The following TMEM117 variants were observed in gnomAD, a reference collection of about 807,000 sequenced individuals.
TMEM117 encodes the protein transmembrane protein 117.
A neutral mutation model predicts 52.4 loss-of-function variants in TMEM117; 27 were observed. The ratio of observed to expected loss-of-function variants is 0.51; its 90% confidence interval spans 0.38 to 0.71. The LOEUF is 0.71. TMEM117 is among the 30% of genes least tolerant of loss of function. The pLI is 0.00. For synonymous variants in TMEM117, 215 were observed against 206.3 expected, an observed-to-expected ratio of 1.04 and a Z score of -0.36; for missense variants, 556 against 630.5, an observed-to-expected ratio of 0.88 and a Z score of 1.26.
chr12:44,169,885 G>A (rs1315234915), intron 4 of TMEM117, among the ~76,000 whole-genome samples: 2 of 152,114 alleles, frequency 1.3e-5, no homozygotes, highest in African/African-American at 2.4e-5. Flanking sequence ...AGACAGCGTG[G>A]CCATTCCTCA....
intron 3 of TMEM117, among the ~76,000 whole-genome samples, chr12:44,032,777 G>A (rs894081045): frequency 6.6e-6 from 1 of 152,078 alleles, no homozygotes; most frequent in Non-Finnish European, 1.5e-5. Context: ...TCTCTACCTT[G>A]AATACAAGAG....
intron 4 of TMEM117, among the ~76,000 whole-genome samples, chr12:44,144,573 A>G (rs987442247): frequency 6.6e-6 from 1 of 152,164 alleles, no homozygotes; most frequent in Middle Eastern, 3.2e-3. Flanking sequence ...ATTTCTATTG[A>G]TTGCTTCTTA....
At chr12:44,330,460 A>G (rs762818631) in intron 6 of TMEM117, among the ~76,000 whole-genome samples, 32 of 151,972 alleles carry the variant, frequency 2.1e-4, no homozygotes, top group Admixed American at 3.9e-4. Context: ...TTTTAATAAC[A>G]TCTTTATTTA....
intron 3 of TMEM117, among the ~76,000 whole-genome samples, chr12:43,976,557 A>G (rs1416669964): frequency 1.3e-5 from 2 of 152,226 alleles, no homozygotes; most frequent in Non-Finnish European, 1.5e-5. Context: ...AGACAGGAGT[A>G]AACAAATTTA....
At chr12:44,201,581 A>G (rs939196263) in intron 4 of TMEM117, among the ~76,000 whole-genome samples, 4 of 152,314 alleles carry the variant, frequency 2.6e-5, no homozygotes, top group Admixed American at 1.3e-4. Context: ...AGTATACTTT[A>G]TAAAACTAAT....
At chr12:44,006,885 C>G (rs1006034052) in intron 3 of TMEM117, among the ~76,000 whole-genome samples, 1 of 152,144 alleles carries the variant, frequency 6.6e-6, no homozygotes, top group Non-Finnish European at 1.5e-5. Context: ...TGACAGACTT[C>G]TATCATTAGA....
At chr12:43,999,762 G>A (rs1420074386) in intron 3 of TMEM117, among the ~76,000 whole-genome samples, 1 of 152,128 alleles carries the variant, frequency 6.6e-6, no homozygotes, top group Non-Finnish European at 1.5e-5. Context: ...AAAGTGCTGG[G>A]ATTACAGATG....
At chr12:44,328,329 G>A (rs1951222859) in intron 6 of TMEM117, among the ~76,000 whole-genome samples, 1 of 151,676 alleles carries the variant, frequency 6.6e-6, no homozygotes, top group African/African-American at 2.4e-5. Context: ...AATGTGCGCT[G>A]ACTCAAATTG....
the TMEM117 span, chr12:43,797,163 T>C: frequency 2.9e-5 from 43 of 1,499,870 alleles, no homozygotes; most frequent in South Asian, 3.9e-4. Flanking sequence ...AAACTACATA[T>C]ATAAACTTCA....
chr12:44,170,916 G>A (rs1278267714), intron 4 of TMEM117, among the ~76,000 whole-genome samples: 1 of 151,852 alleles, frequency 6.6e-6, no homozygotes, highest in African/African-American at 2.4e-5. Flanking sequence ...CAAAACTAGA[G>A]ATCTTATTCA....
intron 3 of TMEM117, among the ~76,000 whole-genome samples, chr12:43,986,736 T>C (rs1592416984): frequency 2.0e-5 from 3 of 152,166 alleles, no homozygotes; most frequent in African/African-American, 7.2e-5. Flanking sequence ...TCTCATCCTA[T>C]TCTCAGTTTC....
chr12:44,000,890 T>C (rs1205734208), intron 3 of TMEM117, among the ~76,000 whole-genome samples: 2 of 152,092 alleles, frequency 1.3e-5, no homozygotes, highest in African/African-American at 4.8e-5. Flanking sequence ...TTTGCAGAGA[T>C]GATTCCTGGG....
chr12:43,830,180 G>A, the TMEM117 span, among the ~76,000 whole-genome samples: 1 of 151,784 alleles, frequency 6.6e-6, no homozygotes, highest in East Asian at 1.9e-4. Flanking sequence ...AGAAACTGCT[G>A]CATTTATATA....
chr12:44,342,378 C>T (rs1390344091), intron 6 of TMEM117, among the ~76,000 whole-genome samples: 1 of 152,150 alleles, frequency 6.6e-6, no homozygotes, highest in Non-Finnish European at 1.5e-5. Context: ...CAAAAGTAGA[C>T]ATGACCTTGG....
chr12:43,955,139 A>C (rs933618256), intron 3 of TMEM117, among the ~76,000 whole-genome samples: 1 of 152,210 alleles, frequency 6.6e-6, no homozygotes, highest in African/African-American at 2.4e-5. Flanking sequence ...GCCTCAAAAT[A>C]ATAGGAGCCA....
intron 3 of TMEM117, among the ~76,000 whole-genome samples, chr12:44,022,056 A>G (rs1277209778): frequency 1.3e-5 from 2 of 152,238 alleles, no homozygotes; most frequent in African/African-American, 4.8e-5. Flanking sequence ...AAATAAATCT[A>G]CATGAAGGAT....
chr12:44,321,204 A>G (rs905462110), intron 6 of TMEM117, among the ~76,000 whole-genome samples: 1 of 152,234 alleles, frequency 6.6e-6, no homozygotes, highest in African/African-American at 2.4e-5. Flanking sequence ...AGGAGTGTTT[A>G]TGATGTAATT....
intron 4 of TMEM117, among the ~76,000 whole-genome samples, chr12:44,169,723 G>C (rs1333669187): frequency 6.6e-6 from 1 of 151,918 alleles, no homozygotes; most frequent in African/African-American, 2.4e-5. Flanking sequence ...TTGTTTTATT[G>C]CATGTACTTT....
chr12:43,797,131 A>G, the TMEM117 span: 1 of 1,545,704 alleles, frequency 6.5e-7, no homozygotes, highest in South Asian at 1.2e-5. Flanking sequence ...TATAATTAGC[A>G]TATCAATACA....
Sources: allele counts gnomAD v4.1 joint callset (sites outside exome capture counted in the v4.1 genomes callset), GRCh38; gene constraint gnomAD v4.1.1; transcripts MANE v1.5; gene names NCBI Gene and HGNC (gene_info 2026-07-23, HGNC 2026-07-21).